Variants in ATF6 observed in about 807,000 individuals in gnomAD.
The protein encoded by ATF6 is cyclic AMP-dependent transcription factor ATF-6 alpha.
ATF6 carries 53 observed loss-of-function variants against 83.6 expected under a neutral mutation model. That is an observed-to-expected ratio of 0.63 (90% CI 0.51 to 0.80). ATF6 has a LOEUF of 0.80. Among genes scored for constraint, ATF6 ranks in the 30% least tolerant of loss-of-function variants. The pLI is 0.00. For missense variants in ATF6, 744 were observed against 797.9 expected, an observed-to-expected ratio of 0.93 and a Z score of 0.81; for synonymous variants, 288 against 285.8, an observed-to-expected ratio of 1.01 and a Z score of -0.08.
chr1:161,952,381 C>G (rs531835252), intron 15 of ATF6, among the ~76,000 whole-genome samples: 6 of 152,102 alleles, frequency 3.9e-5, no homozygotes, highest in Non-Finnish European at 8.8e-5. Flanking sequence ...CCTCTGGGCC[C>G]TGCACTTAAA....
chr1:161,863,132 G>T, intron 13 of ATF6, 66 bp from the exon 14 acceptor site: 1 of 886,582 alleles, frequency 1.1e-6, no homozygotes, highest in South Asian at 1.8e-5. Flanking sequence ...GCCTTAGAAT[G>T]GGAAGTATTT....
intron 9 of ATF6, among the ~76,000 whole-genome samples, chr1:161,831,398 G>A (rs964631821): frequency 2.0e-5 from 3 of 152,176 alleles, no homozygotes; most frequent in Non-Finnish European, 4.4e-5. Flanking sequence ...AATTCCTCAA[G>A]GATCTAGAAC....
chr1:161,900,317 A>G (rs868635750), intron 14 of ATF6, among the ~76,000 whole-genome samples: 1 of 152,182 alleles, frequency 6.6e-6, no homozygotes, highest in Non-Finnish European at 1.5e-5. Flanking sequence ...CATTTCGCTT[A>G]AAGAATTTAT....
intron 15 of ATF6, among the ~76,000 whole-genome samples, chr1:161,947,376 C>G (rs1177796782): frequency 2.0e-5 from 3 of 152,170 alleles, no homozygotes; most frequent in Admixed American, 6.5e-5. Flanking sequence ...CGAGGGTAAT[C>G]AGATAACAAG....
At chr1:161,920,690 G>A (rs1000985793) in intron 15 of ATF6, among the ~76,000 whole-genome samples, 2 of 151,938 alleles carry the variant, frequency 1.3e-5, no homozygotes, top group Admixed American at 1.3e-4. Context: ...CGGCTTAAGA[G>A]TGGCTAAGGC....
intron 14 of ATF6, among the ~76,000 whole-genome samples, chr1:161,897,958 G>T (rs893991523): frequency 6.6e-6 from 1 of 152,178 alleles, no homozygotes; most frequent in African/African-American, 2.4e-5. Context: ...CTGGAACTAA[G>T]ATTTCTAAGG....
intron 1 of ATF6, among the ~76,000 whole-genome samples, chr1:161,772,581 CT>C: frequency 6.6e-6 from 1 of 152,162 alleles, no homozygotes; most frequent in South Asian, 2.1e-4. Context: ...AGAGCCAGTC[CT>C]TCCATATGTG....
chr1:161,951,104 A>G (rs1414541123), intron 15 of ATF6, among the ~76,000 whole-genome samples: 1 of 152,214 alleles, frequency 6.6e-6, no homozygotes, highest in Non-Finnish European at 1.5e-5. Context: ...TTGATTGAAA[A>G]TATTATAGGA....
At chr1:161,803,413 G>A (rs958611003) in intron 7 of ATF6, among the ~76,000 whole-genome samples, 2 of 152,206 alleles carry the variant, frequency 1.3e-5, no homozygotes, top group Admixed American at 6.5e-5. Flanking sequence ...AATTAGTGTT[G>A]CTATGAGACT....
At chr1:161,895,389 A>G (rs986705385) in intron 14 of ATF6, among the ~76,000 whole-genome samples, 13 of 152,152 alleles carry the variant, frequency 8.5e-5, no homozygotes, top group African/African-American at 2.7e-4. Flanking sequence ...TAAAGGATGC[A>G]TATATGTTTT....
chr1:161,954,474 GCTT>G (rs1688927597), intron 15 of ATF6, among the ~76,000 whole-genome samples: 2 of 152,172 alleles, frequency 1.3e-5, no homozygotes, highest in Admixed American at 1.3e-4. Context: ...CATTATTTAT[GCTT>G]CTTTGCAAAG....
intron 4 of ATF6, among the ~76,000 whole-genome samples, chr1:161,785,945 A>C (rs573480347): frequency 8.6e-5 from 13 of 152,004 alleles, no homozygotes; most frequent in Admixed American, 2.6e-4. Context: ...TTTCTTTTTA[A>C]AAAATGAACT....
At chr1:161,849,765 G>T (rs1686570720) in intron 10 of ATF6, among the ~76,000 whole-genome samples, 1 of 151,960 alleles carries the variant, frequency 6.6e-6, no homozygotes, top group African/African-American at 2.4e-5. Context: ...TATGTTTTCA[G>T]TCCAGACTTC....
chr1:161,830,720 G>A (rs1424556855), intron 9 of ATF6, among the ~76,000 whole-genome samples: 1 of 152,242 alleles, frequency 6.6e-6, no homozygotes, highest in African/African-American at 2.4e-5. Context: ...AGTAATAAAT[G>A]GTGCTGGGAA....
intron 14 of ATF6, among the ~76,000 whole-genome samples, chr1:161,892,695 G>C (rs1248429574): frequency 6.8e-6 from 1 of 146,830 alleles, no homozygotes; most frequent in African/African-American, 2.5e-5. Flanking sequence ...GGAGTGCAGT[G>C]GCGTGATCTC....
At chr1:161,956,745 T>A (rs554545428) in intron 15 of ATF6, among the ~76,000 whole-genome samples, 2 of 152,314 alleles carry the variant, frequency 1.3e-5, no homozygotes, top group East Asian at 3.9e-4. Context: ...TGAAGACTAT[T>A]TTAAACATTG....
chr1:161,918,485 G>T (rs1688144052), intron 15 of ATF6, among the ~76,000 whole-genome samples: 1 of 152,024 alleles, frequency 6.6e-6, no homozygotes, highest in Admixed American at 6.6e-5. Context: ...AAGACCCAGA[G>T]ATAAATTTCT....
At position 161,791,540 on chromosome 1, in the gene ATF6, AT is replaced by A; in HGVS notation, c.484+5del. 6.3e-7 allele frequency: 1 copy of A among 1,599,806 alleles called. No homozygotes were observed. Among genetic ancestry groups the A allele is most frequent in the Non-Finnish European group, 8.5e-7 (1 of 1,176,880 alleles). On this transcript the variant is annotated splice_donor_region_variant and intron_variant, in intron 5 of 15. Coordinates refer to ENST00000367942, the MANE Select transcript of ATF6 (RefSeq NM_007348.4). ...CACTGGTCCTAGGAACAAGACTGGT[AT>A]TACTCTATCTCCTAACTTCTGTTAT...
At chr1:161,910,894 C>G (rs1558021391) in intron 14 of ATF6, among the ~76,000 whole-genome samples, 1 of 152,184 alleles carries the variant, frequency 6.6e-6, no homozygotes, top group Non-Finnish European at 1.5e-5. Context: ...CTTCTCTCTC[C>G]TCCCCAATTT....
Sources: allele counts gnomAD v4.1 joint callset (sites outside exome capture counted in the v4.1 genomes callset), GRCh38; gene constraint gnomAD v4.1.1; transcripts MANE v1.5; gene names NCBI Gene and HGNC (gene_info 2026-07-23, HGNC 2026-07-21).